The following IL13RA1 variants were observed in gnomAD, a reference collection of about 807,000 sequenced individuals.
IL13RA1 encodes interleukin 13 receptor subunit alpha 1, also known as interleukin-13 receptor subunit alpha-1.
A neutral mutation model predicts 33.8 loss-of-function variants in IL13RA1; 14 were observed. The ratio of observed to expected loss-of-function variants is 0.41; its 90% confidence interval spans 0.27 to 0.65. IL13RA1 has a LOEUF of 0.65. Among genes scored for constraint, IL13RA1 ranks in the 30% least tolerant of loss-of-function variants. The pLI is 0.28. For synonymous variants in IL13RA1, 116 were observed against 115.7 expected, an observed-to-expected ratio of 1.00 and a Z score of -0.02; for missense variants, 313 against 327.0, an observed-to-expected ratio of 0.96 and a Z score of 0.33.
chrX:118,746,201 C>A (rs906489204), intron 2 of IL13RA1, among the ~76,000 whole-genome samples: 1 of 110,766 alleles, frequency 9.0e-6, no homozygotes, highest in Non-Finnish European at 1.9e-5. Flanking sequence ...CTCACTGCAG[C>A]CTCCCGCTCC....
the IL13RA1 span, among the ~76,000 whole-genome samples, chrX:118,801,630 G>A: frequency 8.9e-6 from 1 of 112,296 alleles, no homozygotes; most frequent in African/African-American, 3.2e-5. Context: ...TCTGTAAAAT[G>A]CTGATAAAAG....
At chrX:118,751,006 C>A (rs182627766) in intron 4 of IL13RA1, among the ~76,000 whole-genome samples, 1 of 111,277 alleles carries the variant, frequency 9.0e-6, no homozygotes, top group Non-Finnish European at 1.9e-5. Context: ...AGGGTTTCAA[C>A]GTGTTGGCCA....
At chrX:118,794,668 G>A (rs2018014220), downstream of IL13RA1, 1 of 111,789 alleles carries the variant, frequency 8.9e-6, no homozygotes, top group Admixed American at 9.5e-5. Flanking sequence ...GAGTTTCTTT[G>A]ATGTTCTGGC....
At chrX:118,756,558 C>A (rs144919899) in intron 4 of IL13RA1, among the ~76,000 whole-genome samples, 69 of 111,512 alleles carry the variant, frequency 6.2e-4, no homozygotes, top group African/African-American at 2.0e-3. Flanking sequence ...GGAGGTCAAT[C>A]TGAAGAAGCA....
chrX:118,754,681 C>T (rs2017507519), intron 4 of IL13RA1, among the ~76,000 whole-genome samples: 1 of 109,600 alleles, frequency 9.1e-6, no homozygotes, highest in Admixed American at 9.8e-5. Context: ...TTATTATCCC[C>T]ACTCCTTTGC....
chrX:118,733,479 AT>A (rs905019874), intron 1 of IL13RA1, among the ~76,000 whole-genome samples: 8 of 110,190 alleles, frequency 7.3e-5, no homozygotes, highest in South Asian at 3.8e-4. Context: ...TCTGAATTGA[AT>A]TTTTTTTTAT....
chrX:118,762,703 C>T (rs1487299394), intron 6 of IL13RA1, among the ~76,000 whole-genome samples: 1 of 111,597 alleles, frequency 9.0e-6, no homozygotes, highest in East Asian at 2.8e-4. Context: ...AATCTAAGGG[C>T]TTTCATGTGG....
At chrX:118,800,558 A>G in the IL13RA1 span, among the ~76,000 whole-genome samples, 3 of 111,019 alleles carry the variant, frequency 2.7e-5, no homozygotes, top group Non-Finnish European at 3.8e-5. Context: ...ATCAGAAGGG[A>G]CAGACTCCAG....
At chrX:118,773,063 T>G (rs2017742200) in intron 8 of IL13RA1, among the ~76,000 whole-genome samples, 1 of 112,623 alleles carries the variant, frequency 8.9e-6, no homozygotes, top group South Asian at 3.6e-4. Context: ...TAGAGAAATT[T>G]TTATTATGAA....
chrX:118,773,374 C>T (rs1425738042), intron 8 of IL13RA1, among the ~76,000 whole-genome samples: 1 of 111,290 alleles, frequency 9.0e-6, no homozygotes. Context: ...GCCTGTAGTC[C>T]CAGCTACTCA....
chrX:118,770,188 A>C (rs1279348615), intron 8 of IL13RA1: 1 of 277,361 alleles, frequency 3.6e-6, no homozygotes, highest in Non-Finnish European at 6.9e-6. Flanking sequence ...CGCGCAGCTG[A>C]GCGGGCTGCC....
At chrX:118,800,407 C>T in the IL13RA1 span, among the ~76,000 whole-genome samples, 1 of 110,735 alleles carries the variant, frequency 9.0e-6, no homozygotes, top group Non-Finnish European at 1.9e-5. Flanking sequence ...AGCGAGACCA[C>T]GAGCCCACCG....
downstream of IL13RA1, among the ~76,000 whole-genome samples, chrX:118,799,113 G>A (rs1206939821): frequency 1.8e-5 from 2 of 113,235 alleles, no homozygotes; most frequent in African/African-American, 6.4e-5. Context: ...AATGGCTGCG[G>A]AGGGTGTACT....
downstream of IL13RA1, among the ~76,000 whole-genome samples, chrX:118,796,447 A>G (rs2018032444): frequency 8.9e-6 from 1 of 112,762 alleles, no homozygotes; most frequent in Non-Finnish European, 1.9e-5. Flanking sequence ...AAAACATCTT[A>G]TTTCGCATTT....
intron 10 of IL13RA1, among the ~76,000 whole-genome samples, chrX:118,777,253 G>A (rs886865358): frequency 9.1e-6 from 1 of 110,244 alleles, no homozygotes; most frequent in African/African-American, 3.3e-5. Context: ...TTGTCCTTTT[G>A]TGTCTGGCTT....
intron 1 of IL13RA1, among the ~76,000 whole-genome samples, chrX:118,739,304 A>T (rs2017317328): frequency 8.9e-6 from 1 of 111,955 alleles, no homozygotes. Context: ...TGACTGTTAG[A>T]GAAACCTCAA....
intron 4 of IL13RA1, among the ~76,000 whole-genome samples, chrX:118,757,512 G>A (rs1343794655): frequency 2.5e-5 from 2 of 78,695 alleles, no homozygotes; most frequent in African/African-American, 1.1e-4. Context: ...CAGACAGAGT[G>A]AGACTCTGTC....
At chrX:118,730,418 T>TA (rs2017203346) in intron 1 of IL13RA1, among the ~76,000 whole-genome samples, 1 of 111,947 alleles carries the variant, frequency 8.9e-6, no homozygotes, top group Admixed American at 9.5e-5. Flanking sequence ...TTGGTAGTGT[T>TA]ATGGAAGAGG....
chrX:118,784,107 A>G (rs866697420), intron 10 of IL13RA1, among the ~76,000 whole-genome samples: 2 of 56,053 alleles, frequency 3.6e-5, no homozygotes, highest in Non-Finnish European at 6.2e-5. Context: ...ATATATATAT[A>G]TACGTATATA....
Sources: allele counts gnomAD v4.1 joint callset (sites outside exome capture counted in the v4.1 genomes callset), GRCh38; gene constraint gnomAD v4.1.1; transcripts MANE v1.5; gene names NCBI Gene and HGNC (gene_info 2026-07-23, HGNC 2026-07-21).